TASP1: variants seen among roughly 807,000 people sequenced by gnomAD.
The protein encoded by TASP1 is threonine aspartase 1.
In TASP1, 16 loss-of-function variants were observed where a neutral mutation model predicts 56.6. The observed-to-expected ratio is 0.28, with a 90% CI of 0.19 to 0.43. The LOEUF (loss-of-function observed/expected upper bound fraction) is 0.43. Ranked by LOEUF, TASP1 falls within the 20% of genes least tolerant of loss-of-function variation. The pLI, the probability that TASP1 is intolerant of heterozygous loss-of-function variation, is 1.00. For synonymous variants in TASP1, 179 were observed against 184.2 expected, an observed-to-expected ratio of 0.97 and a Z score of 0.23; for missense variants, 393 against 511.6, an observed-to-expected ratio of 0.77 and a Z score of 2.24.
intron 6 of TASP1, among the ~76,000 whole-genome samples, chr20:13,579,371 ATT>A (rs879806486): frequency 2.7e-5 from 4 of 145,548 alleles, no homozygotes; most frequent in Non-Finnish European, 3.0e-5. Flanking sequence ...CAAGTGTAAG[ATT>A]TTTTTTTTTT....
In TASP1 at chr20:13,587,852, G is replaced by A. The variant is rs928501639; in HGVS notation, c.283-482C>T. ...GATCAATGAAAAGGCCAGGCCAGGC[G>A]CAGTGGCTCACACCTGTAATCCCAA... is the stretch of plus-strand genomic sequence containing the variant. On this transcript the variant is annotated intron_variant, in intron 4 of 13. Transcript: ENST00000337743. Among the ~76,000 whole-genome samples the A allele has an allele frequency of 3.3e-5, 5 of 152,176 alleles. No homozygotes were observed. In the South Asian group the frequency reaches 8.3e-4, roughly 25 times the overall value.
At chr20:13,547,168 T>C (rs946899739) in intron 8 of TASP1, among the ~76,000 whole-genome samples, 4 of 152,196 alleles carry the variant, frequency 2.6e-5, no homozygotes, top group African/African-American at 7.2e-5. Context: ...CACGCTTCTA[T>C]GGACATACAC....
chr20:13,418,100 CG>C (rs1227571440), intron 12 of TASP1, among the ~76,000 whole-genome samples: 1 of 152,042 alleles, frequency 6.6e-6, no homozygotes, highest in African/African-American at 2.4e-5. Context: ...TTAGTAGAGA[CG>C]GGGTTTCACC....
At chr20:13,583,255 T>C (rs1022923317) in intron 5 of TASP1, among the ~76,000 whole-genome samples, 2 of 152,204 alleles carry the variant, frequency 1.3e-5, no homozygotes, top group Admixed American at 1.3e-4. Context: ...TGTGCCCACC[T>C]ACCAGCCTGA....
chr20:13,259,681 G>T, the TASP1 span, among the ~76,000 whole-genome samples: 2 of 152,170 alleles, frequency 1.3e-5, no homozygotes, highest in Non-Finnish European at 2.9e-5. Flanking sequence ...CTGAGTTATT[G>T]TTTCTACTAG....
chr20:13,600,922 A>G (rs1299825717), intron 4 of TASP1, among the ~76,000 whole-genome samples: 2 of 152,170 alleles, frequency 1.3e-5, no homozygotes, highest in Admixed American at 6.5e-5. Context: ...CTATTCTCCA[A>G]TAAGGTAACC....
At chr20:13,361,376 T>A in the TASP1 span, among the ~76,000 whole-genome samples, 1 of 152,168 alleles carries the variant, frequency 6.6e-6, no homozygotes, top group Admixed American at 6.6e-5. Flanking sequence ...ATTAGTCAAA[T>A]CAGCCGAGCA....
the TASP1 span, among the ~76,000 whole-genome samples, chr20:13,158,738 A>G: frequency 2.0e-5 from 3 of 152,150 alleles, no homozygotes; most frequent in African/African-American, 7.2e-5. Flanking sequence ...GGAGCCAGAG[A>G]GGCTGTGTGT....
At chr20:13,309,850 T>A in the TASP1 span, among the ~76,000 whole-genome samples, 149 of 138,944 alleles carry the variant, frequency 1.1e-3, no homozygotes, top group African/African-American at 4.5e-3. Context: ...TACAACAGCA[T>A]CAAAAAAAAC....
intron 4 of TASP1, among the ~76,000 whole-genome samples, chr20:13,620,458 T>G (rs1440660806): frequency 6.6e-6 from 1 of 152,206 alleles, no homozygotes; most frequent in Non-Finnish European, 1.5e-5. Context: ...ATTAGAACAT[T>G]TCAGTCATTT....
At chr20:13,399,477 AC>A (rs1430603817) in intron 13 of TASP1, among the ~76,000 whole-genome samples, 1 of 151,940 alleles carries the variant, frequency 6.6e-6, no homozygotes, top group Non-Finnish European at 1.5e-5. Flanking sequence ...CTTCTTCCTC[AC>A]CCTAGTAAAT....
At chr20:13,406,109 G>T (rs1006838962) in intron 13 of TASP1, among the ~76,000 whole-genome samples, 3 of 152,188 alleles carry the variant, frequency 2.0e-5, no homozygotes, top group Non-Finnish European at 4.4e-5. Flanking sequence ...GTCTGGTACT[G>T]TAAGTCCTCT....
At position 13,440,519 on chromosome 20, in the gene TASP1, G is replaced by GA. The variant is rs1475974476; in HGVS notation, c.986-5366dup. Among the ~76,000 whole-genome samples the GA allele has an allele frequency of 2.0e-4, 30 of 152,168 alleles. 3 individuals are homozygous for GA. The highest frequency in any genetic ancestry group is 7.0e-4 in the African/African-American group (29 of 41,534). ...ACATGTTGGTTTGAAATTATTGAGA[G>GA]AAAATGTTTCAGATTTTGAGGAAAG... On this transcript the variant is annotated intron_variant, in intron 11 of 13. Transcript: ENST00000337743.
intron 4 of TASP1, among the ~76,000 whole-genome samples, chr20:13,605,061 G>A (rs1445778087): frequency 6.7e-6 from 1 of 150,144 alleles, no homozygotes; most frequent in Admixed American, 6.6e-5. Flanking sequence ...AAAGCATTAC[G>A]TGAGTTAAAG....
chr20:13,495,424 T>C (rs556022598), intron 10 of TASP1, among the ~76,000 whole-genome samples: 5 of 152,138 alleles, frequency 3.3e-5, no homozygotes, highest in Non-Finnish European at 7.4e-5. Context: ...CAATACAGTA[T>C]CAAGGGAAGT....
At chr20:13,432,994 A>G (rs1267355411) in intron 12 of TASP1, among the ~76,000 whole-genome samples, 2 of 151,992 alleles carry the variant, frequency 1.3e-5, no homozygotes, top group Non-Finnish European at 2.9e-5. Context: ...GTTTTACTAT[A>G]CTTTAAGTTC....
At chr20:13,599,035 C>T (rs1271944021) in intron 4 of TASP1, among the ~76,000 whole-genome samples, 1 of 152,126 alleles carries the variant, frequency 6.6e-6, no homozygotes, top group Admixed American at 6.6e-5. Context: ...ACAACAGATG[C>T]TGGAGAGGAT....
Position 13,620,663 on chromosome 20 carries a change from T to A in TASP1, c.282+2783A>T, listed in dbSNP as rs1488525288. Among the ~76,000 whole-genome samples the A allele has an allele frequency of 2.0e-5, 3 of 152,230 alleles. No individual in the cohort carries two copies. The South Asian group carries it at 6.2e-4, about 31-fold the overall frequency. Reference sequence around the variant, plus strand: ...ACAATGACTGTTTGCATCTGTTCAATAATCCAGACATGACTTAACTGAATA... The same window carrying A: ...ACAATGACTGTTTGCATCTGTTCAAAAATCCAGACATGACTTAACTGAATA... On this transcript the variant is annotated intron_variant, in intron 4 of 13. Transcript: ENST00000337743.
chr20:13,219,594 C>T, the TASP1 span, among the ~76,000 whole-genome samples: 4 of 151,750 alleles, frequency 2.6e-5, no homozygotes, highest in Non-Finnish European at 4.4e-5. Flanking sequence ...GCACCGTTCC[C>T]CACCCAAAAA....
Sources: allele counts gnomAD v4.1 joint callset (sites outside exome capture counted in the v4.1 genomes callset), GRCh38; gene constraint gnomAD v4.1.1; transcripts MANE v1.5; gene names NCBI Gene and HGNC (gene_info 2026-07-23, HGNC 2026-07-21).